CSMD1: variants seen among roughly 807,000 people sequenced by gnomAD.
The protein encoded by CSMD1 is CUB and sushi domain-containing protein 1.
Under a neutral mutation model 417.5 loss-of-function variants are expected in CSMD1, and 213 were observed. The observed-to-expected ratio is 0.51, with a 90% CI of 0.46 to 0.57. The LOEUF is 0.57. Among genes scored for constraint, CSMD1 ranks in the 20% least tolerant of loss-of-function variants. CSMD1 has a pLI of 0.00. For missense variants in CSMD1, 6,923 were observed against 4,529.7 expected (o/e 1.53, Z -15.17); for synonymous variants, 2,862 against 1,736.8 (o/e 1.65, Z -16.11).
At chr8:3,577,151 G>A (rs1800183656) in intron 9 of CSMD1, among the ~76,000 whole-genome samples, 1 of 152,154 alleles carries the variant, frequency 6.6e-6, no homozygotes, top group African/African-American at 2.4e-5. Flanking sequence ...CCCGCCCATG[G>A]CTTTGTGTCC....
chr8:3,827,539 T>A (rs1000757029), intron 5 of CSMD1, among the ~76,000 whole-genome samples: 1 of 152,230 alleles, frequency 6.6e-6, no homozygotes, highest in African/African-American at 2.4e-5. Flanking sequence ...CACTGTCATA[T>A]TCCTGAAATG....
intron 2 of CSMD1, among the ~76,000 whole-genome samples, chr8:4,550,210 C>T (rs894801547): frequency 4.0e-5 from 6 of 151,836 alleles, no homozygotes; most frequent in Non-Finnish European, 7.4e-5. Flanking sequence ...TTCCCTGTAC[C>T]TCTTGAAAGC....
intron 2 of CSMD1, among the ~76,000 whole-genome samples, chr8:4,620,301 T>C (rs1160670114): frequency 6.6e-6 from 1 of 151,580 alleles, no homozygotes; most frequent in Non-Finnish European, 1.5e-5. Context: ...TATACATGTG[T>C]ATACATATGT....
chr8:3,455,323 TTC>T (rs1390134426), intron 12 of CSMD1, among the ~76,000 whole-genome samples: 1 of 152,250 alleles, frequency 6.6e-6, no homozygotes, highest in Non-Finnish European at 1.5e-5. Flanking sequence ...ATCAAAGTCA[TTC>T]TCTGTCCAAC....
At chr8:2,957,438 C>T (rs1330498414) in intron 63 of CSMD1, among the ~76,000 whole-genome samples, 2 of 152,108 alleles carry the variant, frequency 1.3e-5, no homozygotes, top group Non-Finnish European at 2.9e-5. Context: ...ACTAAACTGT[C>T]CCCCTTCTCT....
At chr8:3,724,539 C>A (rs1802379072) in intron 6 of CSMD1, among the ~76,000 whole-genome samples, 1 of 151,960 alleles carries the variant, frequency 6.6e-6, no homozygotes, top group African/African-American at 2.4e-5. Context: ...CAAAAGGGTC[C>A]TAAGGCTGAA....
intron 1 of CSMD1, among the ~76,000 whole-genome samples, chr8:4,802,013 G>T (rs1024771568): frequency 6.6e-6 from 1 of 152,106 alleles, no homozygotes; most frequent in African/African-American, 2.4e-5. Context: ...TTGCTTCCCT[G>T]GTGTAGACAG....
intron 1 of CSMD1, among the ~76,000 whole-genome samples, chr8:4,826,945 A>T (rs1393124659): frequency 6.6e-6 from 1 of 152,148 alleles, no homozygotes; most frequent in African/African-American, 2.4e-5. Flanking sequence ...CTCACCCTTG[A>T]GTGTAAGTTT....
chr8:4,183,656 A>G (rs767002780), intron 3 of CSMD1, among the ~76,000 whole-genome samples: 8 of 152,242 alleles, frequency 5.3e-5, no homozygotes, highest in Non-Finnish European at 8.8e-5. Context: ...GTTTCCTTAC[A>G]AATACTTAAC....
intron 7 of CSMD1, among the ~76,000 whole-genome samples, chr8:3,693,565 G>T (rs1175570489): frequency 6.6e-6 from 1 of 152,078 alleles, no homozygotes; most frequent in African/African-American, 2.4e-5. Flanking sequence ...CCCCAGCACA[G>T]TTCTACAGTG....
chr8:3,993,424 G>A (rs76006760), intron 5 of CSMD1, among the ~76,000 whole-genome samples: 1 of 152,262 alleles, frequency 6.6e-6, no homozygotes, highest in East Asian at 1.9e-4. Context: ...GTAAACACTG[G>A]AAGCATTAAC....
intron 5 of CSMD1, among the ~76,000 whole-genome samples, chr8:3,981,355 AG>A (rs1373445952): frequency 6.6e-6 from 1 of 152,096 alleles, no homozygotes; most frequent in African/African-American, 2.4e-5. Context: ...GAAGAGTGGA[AG>A]GGGGGTGAAG....
rs548858797 is a variant in CSMD1 at position 2,946,323 on chromosome 8, G to A, written c.10402+2976C>T. ...TTCATAGGGTGGTGCAATCACCACC[G>A]TAGTCTCACTTAGAAGATTGGTGTC... On this transcript the variant is annotated intron_variant, in intron 68 of 69. Transcript: ENST00000635120. Among the ~76,000 whole-genome samples the A allele has an allele frequency of 3.1e-4, 47 of 152,246 alleles. No homozygotes were observed. The South Asian group carries it at 5.4e-3, about 18-fold the overall frequency.
chr8:4,257,131 C>A (rs1228560147), intron 3 of CSMD1, among the ~76,000 whole-genome samples: 3 of 152,270 alleles, frequency 2.0e-5, no homozygotes, highest in African/African-American at 7.2e-5. Context: ...ATACTCACCA[C>A]ATTTGTTACC....
intron 1 of CSMD1, among the ~76,000 whole-genome samples, chr8:4,948,730 C>T (rs528912898): frequency 1.3e-5 from 2 of 152,094 alleles, no homozygotes; most frequent in Admixed American, 1.3e-4. Context: ...GGCATCTGTA[C>T]CATTTAAGAA....
At chr8:3,422,974 C>A (rs768680568) in intron 12 of CSMD1, among the ~76,000 whole-genome samples, 5 of 152,166 alleles carry the variant, frequency 3.3e-5, no homozygotes, top group Non-Finnish European at 7.3e-5. Flanking sequence ...AGGGTCACAG[C>A]TCTTACTGCT....
At chr8:3,691,688 T>A (rs966051109) in intron 7 of CSMD1, among the ~76,000 whole-genome samples, 2 of 152,168 alleles carry the variant, frequency 1.3e-5, no homozygotes, top group Admixed American at 6.5e-5. Context: ...TTTATAGCAA[T>A]GTAATAAACA....
At chr8:4,854,289 G>C (rs1487381891) in intron 1 of CSMD1, among the ~76,000 whole-genome samples, 1 of 152,132 alleles carries the variant, frequency 6.6e-6, no homozygotes, top group Non-Finnish European at 1.5e-5. Flanking sequence ...GACAGGGCTT[G>C]GTAGGAGGTG....
chr8:3,598,651 GC>G (rs1350070179), intron 8 of CSMD1, among the ~76,000 whole-genome samples: 3 of 152,232 alleles, frequency 2.0e-5, no homozygotes, highest in South Asian at 2.1e-4. Context: ...TGCTCATTTT[GC>G]TAAGGAAATG....
Sources: allele counts gnomAD v4.1 joint callset (sites outside exome capture counted in the v4.1 genomes callset), GRCh38; gene constraint gnomAD v4.1.1; transcripts MANE v1.5; gene names NCBI Gene and HGNC (gene_info 2026-07-23, HGNC 2026-07-21).